NREP: variants seen among roughly 807,000 people sequenced by gnomAD.
NREP encodes the protein neuronal regeneration related protein.
Under a neutral mutation model 8.6 loss-of-function variants are expected in NREP, and 5 were observed. The observed-to-expected ratio is 0.58, with a 90% CI of 0.30 to 1.22. NREP has a LOEUF of 1.22. NREP is among the 50% of genes most tolerant of loss of function. The pLI, the probability that NREP is intolerant of heterozygous loss-of-function variation, is 0.07. For missense variants in NREP, 86 were observed against 82.5 expected, an observed-to-expected ratio of 1.04 and a Z score of -0.17; for synonymous variants, 27 against 28.0, an observed-to-expected ratio of 0.96 and a Z score of 0.11.
intron 2 of NREP, among the ~76,000 whole-genome samples, chr5:111,799,354 T>C (rs1049367460): frequency 6.6e-6 from 1 of 152,218 alleles, no homozygotes; most frequent in African/African-American, 2.4e-5. Context: ...AGACTGCTTT[T>C]AGCAGTATGG....
intron 2 of NREP, among the ~76,000 whole-genome samples, chr5:111,836,393 A>G (rs575395702): frequency 6.6e-6 from 1 of 152,176 alleles, no homozygotes; most frequent in South Asian, 2.1e-4. Flanking sequence ...AAAGCAATAC[A>G]TTAGCAAAAT....
intron 2 of NREP, among the ~76,000 whole-genome samples, chr5:111,828,087 A>G (rs1170581031): frequency 1.3e-5 from 2 of 151,416 alleles, no homozygotes; most frequent in Admixed American, 6.6e-5. Flanking sequence ...CTGGAGTGCA[A>G]TGGCACGATC....
chr5:111,755,950 C>T lies in NREP; in HGVS notation c.-58-120G>A, dbSNP rs41296559. 1,639 of 1,481,116 alleles carry T rather than the reference C, an allele frequency of 1.1e-3. 3 individuals are homozygous for T. The highest frequency in any genetic ancestry group is 1.4e-3 in the Non-Finnish European group (1,537 of 1,114,798). The allele number at this position is 1,481,116 out of a possible 1,614,324, so 91.7% of individuals were successfully genotyped here. A position where few individuals can be genotyped will look rare whatever the true frequency, so the allele number is the denominator to read the frequency against. On this transcript the variant is annotated intron_variant, in intron 1 of 3. Coordinates refer to ENST00000257435, the MANE Select transcript of NREP (RefSeq NM_004772.4). ...TTCTGTGGTTAAGATAAGTTACATG[C>T]AAATTATTGTTAACTACTGGGATTT...
At chr5:111,971,044 C>G (rs150321217) in intron 2 of NREP, among the ~76,000 whole-genome samples, 78 of 152,046 alleles carry the variant, frequency 5.1e-4, no homozygotes, top group Non-Finnish European at 9.3e-4. Context: ...CCATTTTTAA[C>G]AAGTTCCCCT....
At chr5:111,911,540 C>G (rs1754912008) in intron 2 of NREP, among the ~76,000 whole-genome samples, 1 of 152,004 alleles carries the variant, frequency 6.6e-6, no homozygotes, top group South Asian at 2.1e-4. Flanking sequence ...GAAAGACCCT[C>G]CAGGAGTGAG....
intron 2 of NREP, among the ~76,000 whole-genome samples, chr5:111,857,207 G>A (rs1753445293): frequency 6.6e-6 from 1 of 152,142 alleles, no homozygotes; most frequent in Non-Finnish European, 1.5e-5. Flanking sequence ...TTGTCCTAGT[G>A]TTTGTCACCC....
chr5:111,825,628 C>T (rs7731581), intron 2 of NREP, among the ~76,000 whole-genome samples: 19 of 152,132 alleles, frequency 1.2e-4, no homozygotes, highest in Admixed American at 1.0e-3. Context: ...GTGGATACTG[C>T]GTAGTCAGGA....
intron 2 of NREP, among the ~76,000 whole-genome samples, chr5:111,839,574 A>G (rs1752974925): frequency 1.3e-5 from 2 of 152,104 alleles, no homozygotes; most frequent in African/African-American, 4.8e-5. Flanking sequence ...TCCTGTCATT[A>G]AATTATAATG....
At chr5:111,860,280 C>T (rs941141974) in intron 2 of NREP, among the ~76,000 whole-genome samples, 1 of 152,106 alleles carries the variant, frequency 6.6e-6, no homozygotes. Context: ...CTTAGTGCCC[C>T]CTTTGATTGC....
intron 2 of NREP, among the ~76,000 whole-genome samples, chr5:111,842,936 G>A (rs1430645824): frequency 1.3e-5 from 2 of 152,054 alleles, no homozygotes; most frequent in African/African-American, 2.4e-5. Context: ...TTTTTTAGAG[G>A]TTCCATTTTG....
chr5:111,886,157 C>T lies in NREP; in HGVS notation c.135+89117G>A, dbSNP rs1434034253. Among the ~76,000 whole-genome samples, 53 of 152,176 alleles carry T rather than the reference C, an allele frequency of 3.5e-4. 1 individual carries two copies. The South Asian group carries it at 6.2e-3, about 18-fold the overall frequency. On this transcript the variant is annotated intron_variant, in intron 2 of 3. Transcript: ENST00000395634. ...TCAAACAACCCCATCAAAAAGTGGG[C>T]AAAGGACATGAACAGACACTTCTCA...
chr5:111,838,510 T>G (rs905730703), intron 2 of NREP, among the ~76,000 whole-genome samples: 3 of 152,120 alleles, frequency 2.0e-5, no homozygotes, highest in Non-Finnish European at 4.4e-5. Flanking sequence ...TTATCCTTGA[T>G]AATGTGTGGG....
chr5:111,869,822 G>C (rs1303162380), intron 2 of NREP, among the ~76,000 whole-genome samples: 1 of 152,176 alleles, frequency 6.6e-6, no homozygotes, highest in Non-Finnish European at 1.5e-5. Context: ...TAGGTAAAAA[G>C]AGGAGGGACC....
chr5:111,916,007 C>A (rs1251520034), intron 2 of NREP, among the ~76,000 whole-genome samples: 1 of 152,012 alleles, frequency 6.6e-6, no homozygotes, highest in South Asian at 2.1e-4. Flanking sequence ...CTGCTCTATG[C>A]AGAACATTTT....
chr5:111,856,101 C>T (rs1753421169), intron 2 of NREP, among the ~76,000 whole-genome samples: 3 of 152,124 alleles, frequency 2.0e-5, no homozygotes, highest in Admixed American at 2.0e-4. Flanking sequence ...GCCACTGAGG[C>T]AAGGGGAAGC....
chr5:111,804,709 A>C (rs967776206), intron 2 of NREP, among the ~76,000 whole-genome samples: 8 of 152,152 alleles, frequency 5.3e-5, no homozygotes, highest in Non-Finnish European at 7.4e-5. Context: ...GAAAAAAAAA[A>C]CAAACAAACA....
intron 1 of NREP, chr5:111,976,591 C>A: frequency 1.3e-6 from 1 of 751,398 alleles, no homozygotes; most frequent in Non-Finnish European, 2.2e-6. Flanking sequence ...ATCCTTCAAG[C>A]AAAATGAACA....
chr5:111,852,109 C>T (rs1454507082), intron 2 of NREP, among the ~76,000 whole-genome samples: 1 of 152,096 alleles, frequency 6.6e-6, no homozygotes, highest in Non-Finnish European at 1.5e-5. Context: ...AGGGAACTAG[C>T]TTAGGTCCTT....
At chr5:111,821,442 A>G (rs1752512551) in intron 2 of NREP, among the ~76,000 whole-genome samples, 1 of 152,208 alleles carries the variant, frequency 6.6e-6, no homozygotes, top group Non-Finnish European at 1.5e-5. Flanking sequence ...AAACTTTTCA[A>G]ATGTGGTATA....
Sources: allele counts gnomAD v4.1 joint callset (sites outside exome capture counted in the v4.1 genomes callset), GRCh38; gene constraint gnomAD v4.1.1; transcripts MANE v1.5; gene names NCBI Gene and HGNC (gene_info 2026-07-23, HGNC 2026-07-21).